The following MOCOS variants were observed in gnomAD, a reference collection of about 807,000 sequenced individuals.
MOCOS encodes the protein molybdenum cofactor sulfurase, also known as human molybdenum cofactor sulfurase.
A neutral mutation model predicts 83.6 loss-of-function variants in MOCOS; 86 were observed. That is an observed-to-expected ratio of 1.03 (90% CI 0.86 to 1.23). MOCOS has a LOEUF of 1.23. MOCOS is among the 50% of genes most tolerant of loss of function. The pLI, the probability that MOCOS is intolerant of heterozygous loss-of-function variation, is 0.00. For synonymous variants in MOCOS, 445 were observed against 434.7 expected (o/e 1.02, Z -0.29); for missense variants, 1,120 against 1,126.9 (o/e 0.99, Z 0.09).
chr18:36,239,661 C>T (rs1405486447), intron 9 of MOCOS, among the ~76,000 whole-genome samples: 1 of 146,750 alleles, frequency 6.8e-6, no homozygotes, highest in Admixed American at 6.9e-5. Flanking sequence ...CTCCGTATTT[C>T]CTGAATCTGA....
intron 1 of MOCOS, among the ~76,000 whole-genome samples, chr18:36,190,760 A>AAAAAC (rs922840018): frequency 1.3e-5 from 2 of 152,008 alleles, no homozygotes; most frequent in Non-Finnish European, 1.5e-5. Flanking sequence ...AAAAAAACAA[A>AAAAAC]AAAACAAAAC....
intron 2 of MOCOS, among the ~76,000 whole-genome samples, chr18:36,195,956 C>T (rs1439793466): frequency 6.6e-6 from 1 of 151,970 alleles, no homozygotes; most frequent in Admixed American, 6.6e-5. Context: ...GGAGTGGATG[C>T]TGGAGGATGA....
Position 36,251,055 on chromosome 18 carries a change from ATGTTT to A in MOCOS, c.2040-97_2040-93del. 6 of 1,394,052 alleles carry A rather than the reference ATGTTT, an allele frequency of 4.3e-6. No individual in the cohort carries two copies. In the Middle Eastern group the frequency reaches 9.9e-4, roughly 230 times the overall value. The allele number at this position is 1,394,052 out of a possible 1,614,324, so 86.4% of individuals were successfully genotyped here. On this transcript the variant is annotated intron_variant, in intron 10 of 14. Coordinates refer to ENST00000261326, the MANE Select transcript of MOCOS (RefSeq NM_017947.4). ...TCAGGCTGCCTTCAGGGCTCATGCA[ATGTTT>A]TGTTTTATTTTATTTTGTAACCAAA...
chr18:36,242,716 T>C (rs553680954), intron 9 of MOCOS, among the ~76,000 whole-genome samples: 146 of 152,256 alleles, frequency 9.6e-4, no homozygotes, highest in African/African-American at 3.4e-3. Context: ...ATTTTTCACA[T>C]GGTGGCAGGA....
At chr18:36,240,866 G>T (rs759715486) in intron 9 of MOCOS, among the ~76,000 whole-genome samples, 4 of 151,904 alleles carry the variant, frequency 2.6e-5, no homozygotes, top group African/African-American at 9.7e-5. Context: ...TCGGAAAAGC[G>T]CAGTATTCGG....
chr18:36,221,232 CTTAATT>C (rs1026593895), intron 9 of MOCOS, among the ~76,000 whole-genome samples: 1 of 152,282 alleles, frequency 6.6e-6, no homozygotes, highest in Non-Finnish European at 1.5e-5. Flanking sequence ...TTAAATTTTA[CTTAATT>C]TTAATTAGTT....
chr18:36,266,775 G>C lies in MOCOS; in HGVS notation c.2436G>C (p.Gln812His), dbSNP rs766748776. The C allele has an allele frequency of 6.2e-7, 1 of 1,614,094 alleles. No homozygotes were observed. The highest frequency in any genetic ancestry group is 8.5e-7 in the Non-Finnish European group (1 of 1,180,036). ...TTTTGGGGCCTTGTCACAGATGCCA[G>C]ATGATTTGCATCGACCAGCAAACTG... ...FQVLGPCHRC[Q>H]MICIDQQTGQ... Residue 812 changes from glutamine (Q) to histidine (H), a missense_variant, in exon 14 of 15, where the codon CAG (glutamine) becomes CAC (histidine). Transcript: ENST00000261326.
rs934855065 is a variant in MOCOS, at chr18:36,199,796, C to T, written c.413C>T (p.Pro138Leu). Residue 138 changes from proline (P) to leucine (L), a missense_variant, in exon 4 of 15, where the codon CCA (proline) becomes CTA (leucine). Pro to Leu is a moderately conservative substitution (Grantham distance 98). Transcript: ENST00000261326. ...AEAFPWVSQG[P>L]ESSGSRFCYL... ...GCCTTTCCATGGGTGTCCCAGGGCCCAGAGAGCAGTGGGAGTCGCTTCTGT... is the reference window on the plus strand; with the variant it reads ...GCCTTTCCATGGGTGTCCCAGGGCCTAGAGAGCAGTGGGAGTCGCTTCTGT... 1.1e-5 allele frequency: 18 copies of T among 1,614,024 alleles called. No individual in the cohort carries two copies. Among genetic ancestry groups the T allele is most frequent in the Admixed American group, 1.7e-5 (1 of 59,998 alleles).
intron 12 of MOCOS, among the ~76,000 whole-genome samples, chr18:36,258,751 C>T (rs560927977): frequency 3.3e-5 from 5 of 152,326 alleles, no homozygotes; most frequent in South Asian, 2.1e-4. Context: ...CAGATGTATA[C>T]GGCTATGCTC....
intron 11 of MOCOS, among the ~76,000 whole-genome samples, chr18:36,254,585 ATGTG>A (rs201187835): frequency 3.3e-5 from 5 of 150,408 alleles, no homozygotes; most frequent in Admixed American, 3.3e-4. Flanking sequence ...TTTCATATAT[ATGTG>A]TGTGTGTATA....
chr18:36,260,080 A>AGCTT lies in MOCOS; in HGVS notation c.2317_2320dup (p.Arg774LeufsTer16), dbSNP rs1358804736. 9 of 1,613,810 alleles carry AGCTT rather than the reference A, an allele frequency of 5.6e-6. No individual in the cohort carries two copies. The highest frequency in any genetic ancestry group is 7.6e-6 in the Non-Finnish European group (9 of 1,179,788). ...GGAATTATTCTCACTGAAGGATCTCAGCTTGCGTTTTCGTGCCAATATTAT... is the reference window on the plus strand; with the variant it reads ...GGAATTATTCTCACTGAAGGATCTCAGCTTGCTTGCGTTTTCGTGCCAATATTAT... On this transcript the variant is annotated frameshift_variant, in exon 13 of 15. Coordinates refer to ENST00000261326, the MANE Select transcript of MOCOS (RefSeq NM_017947.4). LOFTEE classifies it high-confidence loss of function.
At chr18:36,261,240 A>C (rs949270133) in intron 13 of MOCOS, among the ~76,000 whole-genome samples, 1 of 152,156 alleles carries the variant, frequency 6.6e-6, no homozygotes, top group African/African-American at 2.4e-5. Flanking sequence ...AAATGCTCTA[A>C]AATATAAAAC....
intron 9 of MOCOS, among the ~76,000 whole-genome samples, chr18:36,223,170 C>A (rs2091503079): frequency 6.6e-6 from 1 of 152,118 alleles, no homozygotes; most frequent in Non-Finnish European, 1.5e-5. Context: ...TTGCCAAGAC[C>A]AATGTCATGA....
Position 36,257,023 on chromosome 18 carries a change from G to T in MOCOS, c.2220G>T (p.Leu740=), listed in dbSNP as rs1036492739. 2 of 1,614,016 alleles carry T rather than the reference G, an allele frequency of 1.2e-6. No individual in the cohort carries two copies. The highest frequency in any genetic ancestry group is 2.7e-5 in the African/African-American group (2 of 74,906). ...TLSLVNEAQY[L]LINTSSILEL... Reference sequence around the variant, plus strand: ...CTCTGGTGAATGAGGCACAGTATCTGCTGATCAACACATCCAGTATTTTGG... The same window carrying T: ...CTCTGGTGAATGAGGCACAGTATCTTCTGATCAACACATCCAGTATTTTGG... The change falls in exon 12 of 15, where the codon CTG becomes CTT. Residue 740 remains leucine (L), a synonymous_variant. Transcript: ENST00000261326.
rs899260591 is a variant in MOCOS at position 36,269,173 on chromosome 18, C to T, written c.*488C>T. ...GTACATGATGGTGTGGGTTTATGCT[C>T]AGGGGCCCAGAGGGTAACTTGTGAC... On this transcript the variant is annotated 3_prime_UTR_variant, in exon 15 of 15. Transcript: ENST00000261326. The T allele has an allele frequency of 6.0e-6, 1 of 166,188 alleles. No individual in the cohort carries two copies. Among genetic ancestry groups the T allele is most frequent in the African/African-American group, 2.4e-5 (1 of 41,544 alleles). 10.3% of individuals were successfully genotyped at this position (166,188 alleles called of 1,614,324 possible). A position where few individuals can be genotyped will look rare whatever the true frequency, so the allele number is the denominator to read the frequency against.
intron 9 of MOCOS, among the ~76,000 whole-genome samples, chr18:36,239,630 G>A (rs1362978367): frequency 3.4e-5 from 5 of 146,238 alleles, no homozygotes; most frequent in Admixed American, 6.9e-5. Context: ...TGCTCTTCTC[G>A]AGGAATATCT....
intron 9 of MOCOS, among the ~76,000 whole-genome samples, chr18:36,248,210 A>G (rs1022537126): frequency 2.0e-5 from 3 of 152,194 alleles, no homozygotes; most frequent in Non-Finnish European, 4.4e-5. Context: ...GATGTTGAAC[A>G]TTAAAAAAAA....
intron 9 of MOCOS, among the ~76,000 whole-genome samples, chr18:36,233,525 T>G (rs1321277962): frequency 6.6e-6 from 1 of 152,232 alleles, no homozygotes; most frequent in Non-Finnish European, 1.5e-5. Flanking sequence ...TTTTATATAA[T>G]GACTTCTTTT....
chr18:36,191,087 C>T (rs2091364274), intron 1 of MOCOS, among the ~76,000 whole-genome samples: 1 of 150,964 alleles, frequency 6.6e-6, no homozygotes, highest in African/African-American at 2.4e-5. Flanking sequence ...TTCTCTCTCT[C>T]TGTCTCTCTC....
Sources: gnomAD v4.1 joint callset for allele counts (sites outside exome capture counted in the v4.1 genomes callset) on GRCh38, gnomAD v4.1.1 for gene constraint, MANE v1.5 for transcripts, NCBI Gene and HGNC (gene_info 2026-07-23, HGNC 2026-07-21) for gene names.